The following FGF13 variants were observed in gnomAD, a reference collection of about 807,000 sequenced individuals.
FGF13 encodes fibroblast growth factor 13, also known as fibroblast growth factor homologous factor 2.
A neutral mutation model predicts 19.5 loss-of-function variants in FGF13; 2 were observed. The observed-to-expected ratio is 0.10, with a 90% CI of 0.04 to 0.32. The LOEUF is 0.32. FGF13 is among the 10% of genes least tolerant of loss of function. The pLI is 1.00. For synonymous variants in FGF13, 72 were observed against 76.9 expected (o/e 0.94, Z 0.33); for missense variants, 113 against 192.7 (o/e 0.59, Z 2.45).
chrX:138,826,379 C>T (rs189002750), intron 3 of FGF13, among the ~76,000 whole-genome samples: 188 of 112,132 alleles, frequency 1.7e-3, no homozygotes, highest in African/African-American at 5.9e-3. Flanking sequence ...CCTTAAATTC[C>T]TAACTCATTT....
chrX:138,808,473 C>T (rs1467619132), intron 3 of FGF13, among the ~76,000 whole-genome samples: 1 of 111,599 alleles, frequency 9.0e-6, no homozygotes, highest in Non-Finnish European at 1.9e-5. Flanking sequence ...GCACTAAATG[C>T]CCGCATAAGA....
At chrX:138,920,925 C>G (rs2091641627) in intron 1 of FGF13, among the ~76,000 whole-genome samples, 1 of 111,537 alleles carries the variant, frequency 9.0e-6, no homozygotes, top group Non-Finnish European at 1.9e-5. Flanking sequence ...TAGCCTAGTT[C>G]TCTTAAGAGC....
chrX:138,665,760 C>T (rs1848284747), intron 3 of FGF13, among the ~76,000 whole-genome samples: 1 of 110,517 alleles, frequency 9.0e-6, no homozygotes, highest in South Asian at 3.8e-4. Flanking sequence ...AGCCCCTACC[C>T]TCATGTAAAA....
intron 1 of FGF13, among the ~76,000 whole-genome samples, chrX:139,124,913 C>G (rs1057048213): frequency 5.4e-5 from 6 of 111,099 alleles, no homozygotes; most frequent in Non-Finnish European, 1.1e-4. Context: ...AATGGGAGCT[C>G]TCTCACATGG....
At chrX:139,181,189 A>T (rs112736318) in intron 1 of FGF13, among the ~76,000 whole-genome samples, 44 of 112,275 alleles carry the variant, frequency 3.9e-4, no homozygotes, top group African/African-American at 1.4e-3. Flanking sequence ...GAGATGTTCA[A>T]ATTGCAGTGA....
chrX:138,920,627 A>G (rs1199530252), intron 1 of FGF13, among the ~76,000 whole-genome samples: 1 of 111,738 alleles, frequency 8.9e-6, no homozygotes, highest in East Asian at 2.8e-4. Flanking sequence ...ATACCATGAA[A>G]TGCTATCACA....
intron 1 of FGF13, among the ~76,000 whole-genome samples, chrX:138,911,382 T>A (rs2091586858): frequency 9.2e-6 from 1 of 109,128 alleles, no homozygotes; most frequent in Admixed American, 9.9e-5. Flanking sequence ...AAATACCACA[T>A]GTTCTCACTT....
intron 3 of FGF13, among the ~76,000 whole-genome samples, chrX:138,828,044 C>T (rs536564792): frequency 9.0e-6 from 1 of 111,675 alleles, no homozygotes; most frequent in East Asian, 2.8e-4. Flanking sequence ...TTCTCAAGGA[C>T]CTTCAGAATA....
intron 1 of FGF13, among the ~76,000 whole-genome samples, chrX:138,923,594 C>T (rs1026472558): frequency 1.8e-5 from 2 of 111,176 alleles, no homozygotes; most frequent in Non-Finnish European, 3.8e-5. Context: ...TTGTTGCCGC[C>T]CATTTGACTC....
At chrX:139,166,559 T>C (rs906582777) in intron 1 of FGF13, among the ~76,000 whole-genome samples, 2 of 111,299 alleles carry the variant, frequency 1.8e-5, no homozygotes, top group African/African-American at 6.5e-5. Context: ...AAAAAGGACA[T>C]GATTTGGGGG....
intron 1 of FGF13, among the ~76,000 whole-genome samples, chrX:139,099,774 C>A (rs2083495820): frequency 9.0e-6 from 1 of 111,515 alleles, no homozygotes; most frequent in African/African-American, 3.3e-5. Flanking sequence ...CTAAACTTTA[C>A]ATAAGATTTC....
At chrX:138,745,185 C>T (rs921772823) in intron 3 of FGF13, among the ~76,000 whole-genome samples, 1 of 111,793 alleles carries the variant, frequency 8.9e-6, no homozygotes, top group Admixed American at 9.5e-5. Context: ...TCCAGATATA[C>T]CACAAATCAT....
chrX:138,693,177 T>TA (rs1200199567), intron 3 of FGF13, among the ~76,000 whole-genome samples: 1 of 112,263 alleles, frequency 8.9e-6, no homozygotes, highest in Non-Finnish European at 1.9e-5. Context: ...TAGTGAAACT[T>TA]ACATTAATTG....
chrX:139,102,887 T>C (rs1231064711), intron 1 of FGF13, among the ~76,000 whole-genome samples: 3 of 112,469 alleles, frequency 2.7e-5, no homozygotes, highest in Admixed American at 9.4e-5. Context: ...CAGAAAGGCA[T>C]TTCAAGGAGG....
intron 1 of FGF13, among the ~76,000 whole-genome samples, chrX:138,966,997 C>G (rs1357501370): frequency 1.8e-5 from 2 of 110,799 alleles, no homozygotes; most frequent in Non-Finnish European, 1.9e-5. Context: ...TGCCTTCCAC[C>G]ATGATTTTAA....
chrX:138,855,042 A>G (rs2091248968), downstream of FGF13, among the ~76,000 whole-genome samples: 1 of 112,011 alleles, frequency 8.9e-6, no homozygotes, highest in Non-Finnish European at 1.9e-5. Flanking sequence ...TCTACTAATT[A>G]TAACAAAATG....
At chrX:138,989,025 C>T (rs765906746) in intron 1 of FGF13, among the ~76,000 whole-genome samples, 3 of 111,357 alleles carry the variant, frequency 2.7e-5, no homozygotes, top group East Asian at 2.8e-4. Context: ...CCTTGGCTGT[C>T]GGCTACCACT....
At position 138,874,540 on chromosome X, in the gene FGF13, G is replaced by A. The variant is rs753616012; in HGVS notation, c.-112-9890C>T. Among the ~76,000 whole-genome samples, 72 of 111,539 alleles carry A rather than the reference G, an allele frequency of 6.5e-4. 1 individual carries two copies. The highest frequency in any genetic ancestry group is 1.3e-3 in the Non-Finnish European group (68 of 53,188). ...TAAGCTACTCAAGACATCACTTGAC[G>A]CAAGTCTCTATCTGGCAAAGCGATC... On this transcript the variant is annotated intron_variant, in intron 1 of 2. Coordinates refer to the FGF13 transcript ENST00000421460.
At chrX:139,141,812 C>A (rs1290089770) in intron 1 of FGF13, among the ~76,000 whole-genome samples, 2 of 112,259 alleles carry the variant, frequency 1.8e-5, no homozygotes, top group Non-Finnish European at 3.8e-5. Context: ...ATATTCTATT[C>A]AATACTCTGG....
Sources: gnomAD v4.1 joint callset for allele counts (sites outside exome capture counted in the v4.1 genomes callset) on GRCh38, gnomAD v4.1.1 for gene constraint, MANE v1.5 for transcripts, NCBI Gene and HGNC (gene_info 2026-07-23, HGNC 2026-07-21) for gene names.